Variants in MED1 observed in about 807,000 individuals in gnomAD.
The protein encoded by MED1 is mediator of RNA polymerase II transcription subunit 1.
In MED1, 17 loss-of-function variants were observed where a neutral mutation model predicts 121.3. That is an observed-to-expected ratio of 0.14 (90% CI 0.10 to 0.21). The LOEUF is 0.21. MED1 is among the 10% of genes least tolerant of loss of function. MED1 has a pLI of 1.00. For synonymous variants in MED1, 661 were observed against 694.4 expected (o/e 0.95, Z 0.76); for missense variants, 1,558 against 1,919.4 (o/e 0.81, Z 3.52).
intron 3 of MED1, among the ~76,000 whole-genome samples, chr17:39,441,920 T>C (rs1489087540): frequency 6.6e-6 from 1 of 152,066 alleles, no homozygotes; most frequent in East Asian, 1.9e-4. Flanking sequence ...CTGGCCAACA[T>C]GGTGAAACCC....
chr17:39,408,482 A>G lies in MED1; in HGVS notation c.3739T>C (p.Ser1247Pro). ...AACGAGCCTGAGGATCCTAACCCTG[A>G]AGATGACTTCATGCCAGAGCTTGAA... ...TSSSSGMKSS[S>P]GLGSSGSLSQ... The change falls in exon 17 of 17, where the codon TCA becomes CCA. Residue 1247 changes from serine (S) to proline (P), a missense_variant. Transcript: ENST00000300651. This position sits in a 1 kb window ranked among gnomAD's most constrained non-coding sequence, Gnocchi z 4.7. 6.2e-7 allele frequency: 1 copy of G among 1,614,202 alleles called. No individual in the cohort carries two copies. The highest frequency in any genetic ancestry group is 8.5e-7 in the Non-Finnish European group (1 of 1,180,040).
rs189844609 is a variant in MED1, at chr17:39,424,635, G to C, written c.843C>G (p.Asp281Glu). 83 of 1,576,566 alleles carry C rather than the reference G, an allele frequency of 5.3e-5. No individual in the cohort carries two copies. The highest frequency in any genetic ancestry group is 6.8e-5 in the African/African-American group (5 of 73,684). Residue 281 changes from aspartate (D) to glutamate (E), a missense_variant, in exon 11 of 17, where the codon GAC (aspartate) becomes GAG (glutamate). Physicochemically the swap from Asp to Glu is conservative, Grantham distance 45 (BLOSUM62 2). Around this residue, in one of 5 missense-constraint regions of MED1, gnomAD observed 443 missense variants for 532.4 expected, o/e 0.83. Transcript: ENST00000300651. ...APLIMGSHPV[D>E]NKWTPSFSSI... Reference sequence around the variant, plus strand: ...AATTATATTTAACTTACCATTTATTGTCAACTGGATGTGACCCCATAATTA... The same window carrying C: ...AATTATATTTAACTTACCATTTATTCTCAACTGGATGTGACCCCATAATTA...
chr17:39,408,079 G>A lies in MED1; in HGVS notation c.4142C>T (p.Ser1381Leu). The A allele has an allele frequency of 6.2e-7, 1 of 1,614,112 alleles. No homozygotes were observed. Among genetic ancestry groups the A allele is most frequent in the Non-Finnish European group, 8.5e-7 (1 of 1,180,024 alleles). Reference sequence around the variant, plus strand: ...CACACCTGTGCTCCCCACATTTTTTGACTCTGAGGTCTTCTTAGAAGAATC... The same window carrying A: ...CACACCTGTGCTCCCCACATTTTTTAACTCTGAGGTCTTCTTAGAAGAATC... ...SVDSSKKTSE[S>L]KNVGSTGVAK... is the part of the protein sequence containing the mutation. Residue 1381 changes from serine (S) to leucine (L), a missense_variant, in exon 17 of 17, where the codon TCA (serine) becomes TTA (leucine). Transcript: ENST00000300651. This position sits in a 1 kb window ranked among gnomAD's most constrained non-coding sequence, Gnocchi z 4.7.
Position 39,443,559 on chromosome 17 carries a change from C to T in MED1, c.202G>A (p.Ala68Thr). The T allele has an allele frequency of 6.2e-7, 1 of 1,613,232 alleles. No homozygotes were observed. Among genetic ancestry groups the T allele is most frequent in the Non-Finnish European group, 8.5e-7 (1 of 1,179,304 alleles). The change falls in exon 3 of 17, where the codon GCT becomes ACT. Residue 68 changes from alanine (A) to threonine (T), a missense_variant. Coordinates refer to ENST00000300651, the MANE Select transcript of MED1 (RefSeq NM_004774.4). ...LVSCLETLQK[A>T]LKVTSLPAMT... is the part of the protein sequence containing the mutation. The stretch of plus-strand genomic sequence containing the variant: ...AAAAGTGTTCACAAACCTTTGAGAG[C>T]CTTCTGCAATGTCTCCAAACAGCTG...
chr17:39,411,816 T>A (rs2048358296), intron 16 of MED1, among the ~76,000 whole-genome samples: 1 of 151,666 alleles, frequency 6.6e-6, no homozygotes, highest in Non-Finnish European at 1.5e-5. Flanking sequence ...CTGGCCAACA[T>A]AGTGAAACCC....
rs556570255 is a variant in MED1 at position 39,444,978 on chromosome 17, AAC to A, written c.133-1352_133-1351del. Among the ~76,000 whole-genome samples, 168 of 152,290 alleles carry A rather than the reference AAC, an allele frequency of 1.1e-3. 1 individual carries two copies. Among genetic ancestry groups the A allele is most frequent in the African/African-American group, 3.9e-3 (164 of 41,566 alleles). Reference sequence around the variant, plus strand: ...AAACATTCCAGTCCCTAAAAACGTGAACAGTTTTCTGGTATAAGGATAGTTTT... The same window carrying A: ...AAACATTCCAGTCCCTAAAAACGTGAAGTTTTCTGGTATAAGGATAGTTTT... On this transcript the variant is annotated intron_variant, in intron 2 of 16. Coordinates refer to ENST00000300651, the MANE Select transcript of MED1 (RefSeq NM_004774.4).
rs2048697991 is a variant in MED1, at chr17:39,443,442, A to G, written c.211+108T>C. 3.7e-6 allele frequency: 3 copies of G among 813,624 alleles called. No homozygotes were observed. In the African/African-American group the frequency reaches 5.1e-5, roughly 14 times the overall value. The allele number at this position is 813,624 out of a possible 1,614,324, so 50.4% of individuals were successfully genotyped here. A position where few individuals can be genotyped will look rare whatever the true frequency, so the allele number is the denominator to read the frequency against. On this transcript the variant is annotated intron_variant, in intron 3 of 16. Transcript: ENST00000300651. ...AATGAATGCAAGAGCAATATCTAAT[A>G]CATAAAGTTGACCTACCTCAATTTT...
In MED1 at chr17:39,440,597, T is replaced by G. The variant is rs2048666010; in HGVS notation, c.266+26A>C. ...CCCAAAGTTAACACTAAGTTAAACA[T>G]TTCTGCCTACAGAAAGACTACTTAC... is the stretch of plus-strand genomic sequence containing the variant. On this transcript the variant is annotated intron_variant, in intron 4 of 16. Transcript: ENST00000300651. The surrounding 1 kb of genome is among the most constrained non-coding windows in gnomAD (Gnocchi z 4.1). 6.2e-7 allele frequency: 1 copy of G among 1,612,486 alleles called. No homozygotes were observed. The highest frequency in any genetic ancestry group is 1.1e-5 in the South Asian group (1 of 90,846).
Position 39,408,447 on chromosome 17 carries a change from T to C in MED1, c.3774A>G (p.Lys1258=). 6.2e-7 allele frequency: 1 copy of C among 1,613,990 alleles called. No individual in the cohort carries two copies. The highest frequency in any genetic ancestry group is 8.5e-7 in the Non-Finnish European group (1 of 1,180,006). Residue 1258 remains lysine (K), a synonymous_variant, in exon 17 of 17, where the codon AAA becomes AAG. Coordinates refer to ENST00000300651, the MANE Select transcript of MED1 (RefSeq NM_004774.4). This position sits in a 1 kb window ranked among gnomAD's most constrained non-coding sequence, Gnocchi z 4.7. ...TACAGGAATTAGATGATGGGGGAGT[T>C]TTCTGGGACAACGAGCCTGAGGATC... ...GLGSSGSLSQ[K]TPPSSNSCTA...
At chr17:39,423,131 C>T (rs1597861202) in intron 13 of MED1, among the ~76,000 whole-genome samples, 196 bp downstream of exon 13, 1 of 151,992 alleles carries the variant, frequency 6.6e-6, no homozygotes, top group Non-Finnish European at 1.5e-5. Flanking sequence ...TCCTAAAGTG[C>T]GGGGATTACA....
In MED1 at chr17:39,409,522, G is replaced by A. The variant is rs777371492; in HGVS notation, c.2699C>T (p.Ser900Phe). 1 of 1,614,152 alleles carries A rather than the reference G, an allele frequency of 6.2e-7. No individual in the cohort carries two copies. Among genetic ancestry groups the A allele is most frequent in the Non-Finnish European group, 8.5e-7 (1 of 1,180,026 alleles). Residue 900 changes from serine to phenylalanine, a missense_variant, in exon 17 of 17, where the codon TCT (serine) becomes TTT (phenylalanine). Physicochemically the swap from Ser to Phe is radical, Grantham distance 155. Coordinates refer to ENST00000300651, the MANE Select transcript of MED1 (RefSeq NM_004774.4). ...GDNDDFKGFA[S>F]QALNTLGVPM... ...CACCCCCAAAGTATTTAGTGCCTGA[G>A]ATGCAAATCCTTTGAAATCATCATT... is the stretch of plus-strand genomic sequence containing the variant.
At chr17:39,432,753 CAAAAAAAAACAAAAACCA>C (rs2048577684) in intron 7 of MED1, among the ~76,000 whole-genome samples, 1 of 132,984 alleles carries the variant, frequency 7.5e-6, no homozygotes, top group Admixed American at 7.8e-5. Context: ...ACTCTGTCTC[CAAAAAAAAACAAAAACCA>C]AAAAAAAAAC....
At position 39,408,195 on chromosome 17, in the gene MED1, G is replaced by C. The variant is rs2048321841; in HGVS notation, c.4026C>G (p.Ser1342=). The part of the protein sequence containing the change: ...STNSSSHPMS[S]KHNMSGGEFQ... ...ACTCTCCTCCTGACATGTTATGTTT[G>C]GAGGACATAGGATGGCTGGAAGAAT... The change falls in exon 17 of 17, where the codon TCC becomes TCG. Residue 1342 remains serine, a synonymous_variant. Coordinates refer to ENST00000300651, the MANE Select transcript of MED1 (RefSeq NM_004774.4). This position sits in a 1 kb window ranked among gnomAD's most constrained non-coding sequence, Gnocchi z 4.7. 1.2e-6 allele frequency: 2 copies of C among 1,613,874 alleles called. No homozygotes were observed. The highest frequency in any genetic ancestry group is 1.7e-6 in the Non-Finnish European group (2 of 1,180,030).
At chr17:39,442,519 C>T (rs2048687157) in intron 3 of MED1, among the ~76,000 whole-genome samples, 1 of 148,504 alleles carries the variant, frequency 6.7e-6, no homozygotes, top group African/African-American at 2.5e-5. Context: ...ATCGCTTGAA[C>T]CCAGGAGGTG....
Position 39,405,276 on chromosome 17 carries a change from C to A in MED1, c.*2199G>T. ...CCCATCGACAATTCAGGGGCTTATC[C>A]TTCATCCAGATCCTAACTCGGGATT... On this transcript the variant is annotated 3_prime_UTR_variant, in exon 17 of 17. Coordinates refer to ENST00000300651, the MANE Select transcript of MED1 (RefSeq NM_004774.4). 6.2e-7 allele frequency: 1 copy of A among 1,604,660 alleles called. No homozygotes were observed. The highest frequency in any genetic ancestry group is 2.2e-5 in the East Asian group (1 of 44,766).
intron 6 of MED1, among the ~76,000 whole-genome samples, chr17:39,434,924 G>C (rs1246301050): frequency 1.3e-5 from 2 of 152,152 alleles, no homozygotes; most frequent in African/African-American, 2.4e-5. Flanking sequence ...CCAGCACTTT[G>C]GGAGGCCAAG....
In MED1 at chr17:39,406,336, G is replaced by A. The variant is rs902425092; in HGVS notation, c.*1139C>T. On this transcript the variant is annotated 3_prime_UTR_variant, in exon 17 of 17. Coordinates refer to ENST00000300651, the MANE Select transcript of MED1 (RefSeq NM_004774.4). ...CATACAGTGGAGTGATTAAAGTTTG[G>A]ACTCCTTCTCCTTGTGATGAAGAGA... 3.0e-6 allele frequency: 3 copies of A among 985,354 alleles called. No homozygotes were observed. The highest frequency in any genetic ancestry group is 6.2e-5 in the Admixed American group (1 of 16,252). 61.0% of individuals were successfully genotyped at this position (985,354 alleles called of 1,614,324 possible).
At chr17:39,424,584 G>C (rs769365021) in intron 11 of MED1, 43 bp downstream of exon 11, 1 of 1,335,990 alleles carries the variant, frequency 7.5e-7, no homozygotes, top group South Asian at 1.2e-5. Context: ...ACTGCGCTTT[G>C]AGAAAAATTG....
intron 8 of MED1, 84 bp from the exon 9 acceptor site, chr17:39,431,272 A>G: frequency 1.8e-6 from 2 of 1,109,366 alleles, no homozygotes; most frequent in Non-Finnish European, 2.6e-6. Flanking sequence ...CACCTCTCCG[A>G]AGTCTTGTCT....
Sources: allele counts gnomAD v4.1 joint callset (sites outside exome capture counted in the v4.1 genomes callset), GRCh38; gene constraint gnomAD v4.1.1; regional missense constraint gnomAD v4.1.1; non-coding constraint Gnocchi (gnomAD v3.1); transcripts MANE v1.5; gene names NCBI Gene and HGNC (gene_info 2026-07-23, HGNC 2026-07-21).